Variants in ZNF655 observed in about 807,000 individuals in gnomAD.
ZNF655 encodes the protein Vav-interacting Kruppel-like protein 1.
ZNF655 carries 3 observed loss-of-function variants against 6.6 expected under a neutral mutation model. The ratio of observed to expected loss-of-function variants is 0.46; its 90% CI spans 0.21 to 1.18. ZNF655 has a LOEUF of 1.18. Ranked by LOEUF, ZNF655 falls within the 50% of genes most tolerant of loss-of-function variation. ZNF655 has a pLI of 0.24. For synonymous variants in ZNF655, 178 were observed against 195.0 expected (o/e 0.91, Z 0.73); for missense variants, 526 against 572.3 (o/e 0.92, Z 0.83).
chr7:99,572,116 T>C, intron 2 of ZNF655, 129 bp from the exon 3 acceptor site: 1 of 1,043,742 alleles, frequency 9.6e-7, no homozygotes, highest in Non-Finnish European at 1.3e-6. Flanking sequence ...TTTGTGCCTG[T>C]TTTTCAGAGT....
At chr7:99,562,513 T>G in intron 2 of ZNF655, 1 of 1,606,322 alleles carries the variant, frequency 6.2e-7, no homozygotes, top group Non-Finnish European at 8.5e-7. Flanking sequence ...TTCCTTATTA[T>G]TCGGTTTATC....
intron 2 of ZNF655, chr7:99,571,707 T>A: frequency 1.2e-6 from 2 of 1,609,386 alleles, no homozygotes; most frequent in Non-Finnish European, 8.5e-7. Flanking sequence ...TTTCCAAGCC[T>A]GATGGGATCT....
Position 99,560,922 on chromosome 7 carries a change from G to A in ZNF655, c.136+227G>A, listed in dbSNP as rs114302368. On this transcript the variant is annotated intron_variant, in intron 2 of 2. Coordinates refer to ENST00000252713, the MANE Select transcript of ZNF655 (RefSeq NM_138494.3). ...TAAGCAGAGTGATGGCTGCTTACTC[G>A]CTGTGGTGGTTTTTCCTTCAGGCAA... 767 of 400,924 alleles carry A rather than the reference G, an allele frequency of 1.9e-3. 5 individuals are homozygous for A. Among genetic ancestry groups the A allele is most frequent in the African/African-American group, 0.014 (701 of 48,864 alleles). 24.8% of individuals were successfully genotyped at this position (400,924 alleles called of 1,614,324 possible).
Position 99,573,862 on chromosome 7 carries a change from A to C in ZNF655, c.*278A>C, listed in dbSNP as rs949858070. The C allele has an allele frequency of 1.6e-5, 6 of 385,534 alleles. No individual in the cohort carries two copies. Among genetic ancestry groups the C allele is most frequent in the Admixed American group, 1.3e-4 (3 of 23,932 alleles). 23.9% of individuals were successfully genotyped at this position (385,534 alleles called of 1,614,324 possible). On this transcript the variant is annotated 3_prime_UTR_variant, in exon 3 of 3. Transcript: ENST00000252713. ...AATGTGGCAAATTTTTCATGCTATTAGTATTTTCATACCTTAGTCACATTT... is the reference window on the plus strand; with the variant it reads ...AATGTGGCAAATTTTTCATGCTATTCGTATTTTCATACCTTAGTCACATTT...
rs1300050121 is a variant in ZNF655, at chr7:99,574,793, A to G, written c.*1209A>G. 3 of 152,184 alleles carry G rather than the reference A, an allele frequency of 2.0e-5. No homozygotes were observed. Among genetic ancestry groups the G allele is most frequent in the Admixed American group, 6.5e-5 (1 of 15,274 alleles). The allele number at this position is 152,184 out of a possible 1,614,324, so 9.4% of individuals were successfully genotyped here. On this transcript the variant is annotated 3_prime_UTR_variant, in exon 3 of 3. Transcript: ENST00000252713. ...TATGTCGTATTGCTTTACAGCCACA[A>G]CACTTGGATTCCTGTTGATTAACTT...
At chr7:99,570,292 C>T (rs1803942927) in intron 2 of ZNF655, 1 of 152,176 alleles carries the variant, frequency 6.6e-6, no homozygotes, top group Non-Finnish European at 1.5e-5. Flanking sequence ...ACTTTTTAAA[C>T]TTCTGAAACG....
At chr7:99,563,506 CG>C (rs779482006) in intron 2 of ZNF655, among the ~76,000 whole-genome samples, 1 of 151,786 alleles carries the variant, frequency 6.6e-6, no homozygotes, top group South Asian at 2.1e-4. Context: ...TTAGTAGAGA[CG>C]GGGTTTCACC....
At chr7:99,571,658 G>A (rs1804077344) in intron 2 of ZNF655, 1 of 1,525,340 alleles carries the variant, frequency 6.6e-7, no homozygotes, top group South Asian at 1.2e-5. Context: ...GGGATACATT[G>A]CCACATCCCA....
At chr7:99,565,922 T>C (rs1426539460) in intron 2 of ZNF655, among the ~76,000 whole-genome samples, 1 of 152,182 alleles carries the variant, frequency 6.6e-6, no homozygotes, top group Non-Finnish European at 1.5e-5. Flanking sequence ...CTATTTAGTA[T>C]TTATTGAGCA....
At chr7:99,571,325 A>T in intron 2 of ZNF655, 1 of 1,286,870 alleles carries the variant, frequency 7.8e-7, no homozygotes, top group South Asian at 1.2e-5. Flanking sequence ...TTACATTTTG[A>T]TGACCTCCAT....
Position 99,572,873 on chromosome 7 carries a change from T to C in ZNF655, c.765T>C (p.Leu255=). Residue 255 remains leucine, a synonymous_variant, in exon 3 of 3, where the codon CTT becomes CTC. Coordinates refer to ENST00000252713, the MANE Select transcript of ZNF655 (RefSeq NM_138494.3). ...AGTCTTTCAGTCAGAGCTCAAGTCT[T>C]AGTCGACATAAAAGAATACACACTA... ...CEKSFSQSSS[L]SRHKRIHTRE... 1 of 1,614,126 alleles carries C rather than the reference T, an allele frequency of 6.2e-7. No individual in the cohort carries two copies. The highest frequency in any genetic ancestry group is 1.1e-5 in the South Asian group (1 of 91,082).
chr7:99,571,588 A>G, intron 2 of ZNF655: 1 of 1,059,330 alleles, frequency 9.4e-7, no homozygotes, highest in South Asian at 1.6e-5. Context: ...TCTTCTCAGA[A>G]TCGACCTTCT....
At chr7:99,559,719 C>T (rs966044950) in intron 1 of ZNF655, among the ~76,000 whole-genome samples, 1 of 152,000 alleles carries the variant, frequency 6.6e-6, no homozygotes, top group African/African-American at 2.4e-5. Flanking sequence ...CCTCTACCTC[C>T]CAAGCTCAAG....
Position 99,573,779 on chromosome 7 carries a change from T to A in ZNF655, c.*195T>A. On this transcript the variant is annotated 3_prime_UTR_variant, in exon 3 of 3. Coordinates refer to ENST00000252713, the MANE Select transcript of ZNF655 (RefSeq NM_138494.3). ...ACGAATGAAGAAAAGGTATTAGTGT[T>A]AAACTCTTAATCGACTCCTGCAAAT... 1 of 638,364 alleles carries A rather than the reference T, an allele frequency of 1.6e-6. No homozygotes were observed. Among genetic ancestry groups the A allele is most frequent in the Non-Finnish European group, 2.6e-6 (1 of 390,046 alleles). The allele number at this position is 638,364 out of a possible 1,614,324, so 39.5% of individuals were successfully genotyped here. A position where few individuals can be genotyped will look rare whatever the true frequency, so the allele number is the denominator to read the frequency against.
rs577434485 is a variant in ZNF655 at position 99,574,766 on chromosome 7, C to T, written c.*1182C>T. 2 of 152,260 alleles carry T rather than the reference C, an allele frequency of 1.3e-5. No homozygotes were observed. The highest frequency in any genetic ancestry group is 1.5e-5 in the Non-Finnish European group (1 of 68,008). 9.4% of individuals were successfully genotyped at this position (152,260 alleles called of 1,614,324 possible). On this transcript the variant is annotated 3_prime_UTR_variant, in exon 3 of 3. Transcript: ENST00000252713. ...CTTAGGCCTGCTCTTTACTAGGGAT[C>T]TTATGTCGTATTGCTTTACAGCCAC...
intron 2 of ZNF655, among the ~76,000 whole-genome samples, chr7:99,565,487 A>G (rs1323477922): frequency 6.6e-6 from 1 of 152,202 alleles, no homozygotes. Flanking sequence ...TGTATTTGTC[A>G]CAGACATTAG....
chr7:99,568,064 G>A (rs1803767088), intron 2 of ZNF655, among the ~76,000 whole-genome samples: 3 of 125,510 alleles, frequency 2.4e-5, no homozygotes, highest in African/African-American at 9.3e-5. Flanking sequence ...ATACCCCCCG[G>A]CCAAAAAAAA....
At chr7:99,572,003 A>T (rs1804112857) in intron 2 of ZNF655, among the ~76,000 whole-genome samples, 1 of 152,096 alleles carries the variant, frequency 6.6e-6, no homozygotes, top group Non-Finnish European at 1.5e-5. Flanking sequence ...TGCTTATCTA[A>T]AATTCTTTCA....
chr7:99,569,109 C>T (rs907996451), intron 2 of ZNF655, among the ~76,000 whole-genome samples: 26 of 152,162 alleles, frequency 1.7e-4, no homozygotes, highest in Admixed American at 6.5e-4. Context: ...ATTAACACTT[C>T]TGCGACTCCA....
Sources: allele counts gnomAD v4.1 joint callset (sites outside exome capture counted in the v4.1 genomes callset), GRCh38; gene constraint gnomAD v4.1.1; transcripts MANE v1.5; gene names NCBI Gene and HGNC (gene_info 2026-07-23, HGNC 2026-07-21).